The following P2RX5 variants were observed in gnomAD, a reference collection of about 807,000 sequenced individuals.
P2RX5 encodes the protein P2X purinoceptor 5.
In P2RX5, 46 loss-of-function variants were observed where a neutral mutation model predicts 54.1. That is an observed-to-expected ratio of 0.85 (90% CI 0.67 to 1.09). The LOEUF is 1.09. P2RX5 is among the 50% of genes least tolerant of loss of function. The pLI, the probability that P2RX5 is intolerant of heterozygous loss-of-function variation, is 0.00. For synonymous variants in P2RX5, 226 were observed against 226.4 expected (o/e 1.00, Z 0.02); for missense variants, 566 against 549.8 (o/e 1.03, Z -0.29).
chr17:3,714,352 T>G, the P2RX5 span, among the ~76,000 whole-genome samples: 2 of 151,856 alleles, frequency 1.3e-5, no homozygotes, highest in Non-Finnish European at 2.9e-5. Flanking sequence ...CTCAGCCTCC[T>G]GAGTAGCTGG....
chr17:3,721,389 A>T, the P2RX5 span, among the ~76,000 whole-genome samples: 1 of 143,992 alleles, frequency 6.9e-6, no homozygotes, highest in Non-Finnish European at 1.5e-5. Flanking sequence ...CTCCTGCCTC[A>T]GCCTCCCAAG....
chr17:3,681,160 C>A (rs543051335), intron 10 of P2RX5, among the ~76,000 whole-genome samples: 1 of 152,222 alleles, frequency 6.6e-6, no homozygotes, highest in East Asian at 1.9e-4. Flanking sequence ...AGGGTCAGGG[C>A]GCACGGCTAT....
At chr17:3,692,154 A>AAG (rs2050635781) in intron 1 of P2RX5, among the ~76,000 whole-genome samples, 1 of 151,330 alleles carries the variant, frequency 6.6e-6, no homozygotes. Context: ...AAAAAAAAAA[A>AAG]AAAATACAAA....
At chr17:3,681,821 C>T in intron 10 of P2RX5, 75 bp downstream of exon 10, 1 of 971,472 alleles carries the variant, frequency 1.0e-6, no homozygotes, top group Non-Finnish European at 1.7e-6. Context: ...AATATCACAT[C>T]AGGGCAAAGG....
chr17:3,678,503 G>A (rs1473525063), intron 11 of P2RX5, among the ~76,000 whole-genome samples: 1 of 152,216 alleles, frequency 6.6e-6, no homozygotes, highest in African/African-American at 2.4e-5. Context: ...TCAGCTCAGG[G>A]AGCACAGGAG....
chr17:3,694,397 G>C (rs1219824793), intron 1 of P2RX5, among the ~76,000 whole-genome samples: 1 of 152,062 alleles, frequency 6.6e-6, no homozygotes, highest in Non-Finnish European at 1.5e-5. Flanking sequence ...GTAGAAACAG[G>C]GTTTCTCCAT....
upstream of P2RX5, among the ~76,000 whole-genome samples, chr17:3,699,874 A>AAAGAAAGAAAGGAAGG (rs1567744280): frequency 2.9e-3 from 123 of 42,626 alleles, 1 homozygote; most frequent in East Asian, 6.9e-3. Context: ...AGAAAGAAAG[A>AAAGAAAGAAAGGAAGG]AAGGAAGGAA....
rs1164787157 is a variant in P2RX5 at position 3,676,993 on chromosome 17, C to T, written c.1259+2597G>A. 2.1e-5 allele frequency: 14 copies of T among 681,566 alleles called. No individual in the cohort carries two copies. In the East Asian group the frequency reaches 1.2e-3, roughly 60 times the overall value. 42.2% of individuals were successfully genotyped at this position (681,566 alleles called of 1,614,324 possible). A position where few individuals can be genotyped will look rare whatever the true frequency, so the allele number is the denominator to read the frequency against. On this transcript the variant is annotated intron_variant, in intron 11 of 11. Coordinates refer to ENST00000225328, the MANE Select transcript of P2RX5 (RefSeq NM_002561.4). ...AGGAGAATCGATTGAACCTGGGAGG[C>T]GGAGGTTCCAGTAAGCCAAGATCAC...
chr17:3,713,969 C>T, the P2RX5 span, among the ~76,000 whole-genome samples: 1 of 151,550 alleles, frequency 6.6e-6, no homozygotes, highest in South Asian at 2.1e-4. Flanking sequence ...GCTCTTTTGC[C>T]CAGGCTGGAG....
intron 1 of P2RX5, 76 bp downstream of exon 1, chr17:3,695,793 A>G: frequency 6.4e-7 from 1 of 1,569,450 alleles, no homozygotes; most frequent in Non-Finnish European, 8.8e-7. Flanking sequence ...GAATTCCAGG[A>G]CCCTGGAGAA....
the P2RX5 span, among the ~76,000 whole-genome samples, chr17:3,711,896 G>A: frequency 6.6e-6 from 1 of 151,950 alleles, no homozygotes. Context: ...ATCTAACCAT[G>A]TCGCACTTAA....
chr17:3,722,885 A>G, the P2RX5 span, among the ~76,000 whole-genome samples: 1 of 152,208 alleles, frequency 6.6e-6, no homozygotes, highest in South Asian at 2.1e-4. Context: ...ATTATTTGTA[A>G]AGAATGTGGG....
At chr17:3,690,896 A>G in intron 3 of P2RX5, 60 bp downstream of exon 3, 1 of 1,448,896 alleles carries the variant, frequency 6.9e-7, no homozygotes, top group East Asian at 2.3e-5. Context: ...AAGAGAGTAG[A>G]CCCCAACCAC....
rs766520582 is a variant in P2RX5 at position 3,688,110 on chromosome 17, G to C, written c.888-5C>G. 2 of 1,558,498 alleles carry C rather than the reference G, an allele frequency of 1.3e-6. No homozygotes were observed. Among genetic ancestry groups the C allele is most frequent in the South Asian group, 2.3e-5 (2 of 87,636 alleles). On this transcript the variant is annotated splice_polypyrimidine_tract_variant and splice_region_variant and intron_variant, in intron 8 of 11. Coordinates refer to ENST00000225328, the MANE Select transcript of P2RX5 (RefSeq NM_002561.4). ...TCTCGGTAATATCTGGCAAATCTGA[G>C]GGAGACAGGGCCCAGGGGAGGCCTC...
rs140377285 is a variant in P2RX5 at position 3,674,617 on chromosome 17, C to T, written c.1260-740G>A. On this transcript the variant is annotated intron_variant, in intron 11 of 11. Coordinates refer to ENST00000225328, the MANE Select transcript of P2RX5 (RefSeq NM_002561.4). ...AAGGGGCAACCTTGCAGCTAAAGAC[C>T]GTCAACTTCATTAAACAAAAGCCTC... Among the ~76,000 whole-genome samples the T allele has an allele frequency of 3.2e-4, 49 of 152,280 alleles. 1 individual carries two copies. The East Asian group carries it at 8.9e-3, about 28-fold the overall frequency.
At chr17:3,700,533 G>GAAAAA (rs35207117), upstream of P2RX5, among the ~76,000 whole-genome samples, 1 of 135,890 alleles carries the variant, frequency 7.4e-6, no homozygotes, top group African/African-American at 2.8e-5. Context: ...ACTCTGGCTC[G>GAAAAA]AAAAAAAAAA....
intron 5 of P2RX5, 109 bp from the exon 6 acceptor site, chr17:3,690,259 C>G: frequency 8.1e-7 from 1 of 1,235,260 alleles, no homozygotes; most frequent in Non-Finnish European, 1.2e-6. Context: ...AGCCTCTGCC[C>G]AGGACAGTTA....
Position 3,681,860 on chromosome 17 carries a change from C to G in P2RX5, c.1064+36G>C, listed in dbSNP as rs374838528. On this transcript the variant is annotated intron_variant, in intron 10 of 11. Transcript: ENST00000225328. ...GAAGCCACGGGGGTGCTCCACAGGG[C>G]TGCCCTCGGGCCGCCGGCCTGGAAG... The G allele has an allele frequency of 1.0e-5, 15 of 1,431,792 alleles. No homozygotes were observed. In the African/African-American group the frequency reaches 1.5e-4, roughly 15 times the overall value. 88.7% of individuals were successfully genotyped at this position (1,431,792 alleles called of 1,614,324 possible). A position where few individuals can be genotyped will look rare whatever the true frequency, so the allele number is the denominator to read the frequency against.
chr17:3,684,840 T>C (rs1025686484), intron 9 of P2RX5, among the ~76,000 whole-genome samples: 2,510 of 30,126 alleles, frequency 0.083, 47 homozygotes, highest in Non-Finnish European at 0.18. Context: ...GCCCCCTTTT[T>C]TTTTTTTTTT....
Sources: allele counts gnomAD v4.1 joint callset (sites outside exome capture counted in the v4.1 genomes callset), GRCh38; gene constraint gnomAD v4.1.1; transcripts MANE v1.5; gene names NCBI Gene and HGNC (gene_info 2026-07-23, HGNC 2026-07-21).